Variants in ROR1 observed in about 807,000 individuals in gnomAD.
ROR1 encodes the protein ROR family WNT receptor 1, also known as inactive tyrosine-protein kinase transmembrane receptor ROR1.
ROR1 carries 19 observed loss-of-function variants against 78.8 expected under a neutral mutation model. The observed-to-expected ratio is 0.24, with a 90% CI of 0.17 to 0.35. The LOEUF (loss-of-function observed/expected upper bound fraction) is 0.35. Ranked by LOEUF, ROR1 falls within the 10% of genes least tolerant of loss-of-function variation. The probability of loss-of-function intolerance (pLI) is 1.00; values close to 1 mark genes in which losing one functional copy is unlikely to be tolerated. For missense variants in ROR1, 917 were observed against 1,177.8 expected (o/e 0.78, Z 3.24); for synonymous variants, 386 against 433.6 (o/e 0.89, Z 1.36).
intron 1 of ROR1, among the ~76,000 whole-genome samples, chr1:63,979,863 T>C (rs1426460488): frequency 6.6e-6 from 1 of 152,094 alleles, no homozygotes; most frequent in East Asian, 1.9e-4. Context: ...AATAGAAAGA[T>C]CTAAAACACA....
At chr1:63,986,618 C>T (rs957275640) in intron 1 of ROR1, among the ~76,000 whole-genome samples, 6 of 152,080 alleles carry the variant, frequency 3.9e-5, no homozygotes, top group African/African-American at 1.4e-4. Context: ...CCAGGCTGGG[C>T]GTGGTGGCTC....
chr1:64,129,527 G>A (rs775538430), intron 4 of ROR1, among the ~76,000 whole-genome samples: 3 of 152,120 alleles, frequency 2.0e-5, no homozygotes, highest in Admixed American at 6.5e-5. Flanking sequence ...CGCTGAACTC[G>A]GGGACTCCAA....
chr1:64,127,813 G>A (rs187802509), intron 4 of ROR1, among the ~76,000 whole-genome samples: 1 of 152,284 alleles, frequency 6.6e-6, no homozygotes, highest in East Asian at 1.9e-4. Flanking sequence ...AATTAGCTGA[G>A]ATGCTCGTGA....
At chr1:64,117,939 G>A (rs1648375612) in intron 4 of ROR1, among the ~76,000 whole-genome samples, 1 of 152,266 alleles carries the variant, frequency 6.6e-6, no homozygotes, top group African/African-American at 2.4e-5. Flanking sequence ...CTTGGCCCAT[G>A]CCTGTAATCC....
At chr1:64,112,296 T>C (rs1302613348) in intron 4 of ROR1, 1 of 152,200 alleles carries the variant, frequency 6.6e-6, no homozygotes, top group Non-Finnish European at 1.5e-5. Flanking sequence ...GTAAGTGCTA[T>C]TGTGATGTTT....
At chr1:64,152,932 C>T (rs1649669579) in intron 7 of ROR1, among the ~76,000 whole-genome samples, 2 of 152,176 alleles carry the variant, frequency 1.3e-5, no homozygotes, top group African/African-American at 4.8e-5. Flanking sequence ...TATTATTCAA[C>T]CTTTCATCTT....
chr1:64,091,753 ATG>A (rs1405801936), intron 4 of ROR1, among the ~76,000 whole-genome samples: 1 of 151,510 alleles, frequency 6.6e-6, no homozygotes, highest in African/African-American at 2.4e-5. Flanking sequence ...TTTCTTCTCC[ATG>A]TGTCTCTTCT....
intron 1 of ROR1, among the ~76,000 whole-genome samples, chr1:63,905,034 G>A (rs1254143939): frequency 6.6e-6 from 1 of 152,068 alleles, no homozygotes; most frequent in Non-Finnish European, 1.5e-5. Context: ...GTTGTTAAGA[G>A]CCTTCCCTGG....
At chr1:63,923,049 G>A (rs1311252491) in intron 1 of ROR1, among the ~76,000 whole-genome samples, 1 of 152,218 alleles carries the variant, frequency 6.6e-6, no homozygotes, top group Non-Finnish European at 1.5e-5. Context: ...GGTTGGCCCT[G>A]TCACATCCCA....
rs59753220 is a variant in ROR1 at position 64,007,377 on chromosome 1, A to AGTGTGTGTGTGTGT, written c.92-1909_92-1896dup. On this transcript the variant is annotated intron_variant, in intron 1 of 8. Coordinates refer to ENST00000371079, the MANE Select transcript of ROR1 (RefSeq NM_005012.4). Reference sequence around the variant, plus strand: ...CCTAATATTCTCTAGTAATGTTCTGAGTGTGTGTGTGTGTGTGTGTGTGTG... The same window carrying AGTGTGTGTGTGTGT: ...CCTAATATTCTCTAGTAATGTTCTGAGTGTGTGTGTGTGTGTGTGTGTGTGTGTGTGTGTGTGTG... 2.2e-3 allele frequency among the ~76,000 whole-genome samples: 325 copies of AGTGTGTGTGTGTGT among 146,020 alleles called. 1 individual carries two copies. Among genetic ancestry groups the AGTGTGTGTGTGTGT allele is most frequent in the Non-Finnish European group, 3.5e-3 (234 of 66,540 alleles).
intron 7 of ROR1, among the ~76,000 whole-genome samples, chr1:64,157,336 G>A (rs963343416): frequency 7.2e-5 from 11 of 151,782 alleles, no homozygotes; most frequent in South Asian, 2.1e-4. Flanking sequence ...ATGGGGTTTC[G>A]CCATGTTGCC....
At chr1:64,170,895 A>G (rs1650219559) in intron 8 of ROR1, among the ~76,000 whole-genome samples, 1 of 152,186 alleles carries the variant, frequency 6.6e-6, no homozygotes, top group Non-Finnish European at 1.5e-5. Flanking sequence ...GTTCCCAACA[A>G]GTTCCTCATC....
At position 64,062,132 on chromosome 1, in the gene ROR1, A is replaced by G. The variant is rs147482288; in HGVS notation, c.482+11416A>G. On this transcript the variant is annotated intron_variant, in intron 4 of 8. Transcript: ENST00000371079. ...CTTTTGCTGGTCAGTAGCAGACTCTACTTGCCTCCTGTTGAATAGAACAGA... is the reference window on the plus strand; with the variant it reads ...CTTTTGCTGGTCAGTAGCAGACTCTGCTTGCCTCCTGTTGAATAGAACAGA... 5.2e-4 allele frequency among the ~76,000 whole-genome samples: 79 copies of G among 152,286 alleles called. 1 individual carries two copies. The highest frequency in any genetic ancestry group is 1.7e-3 in the African/African-American group (72 of 41,560).
At chr1:63,914,374 G>T (rs1215477843) in intron 1 of ROR1, among the ~76,000 whole-genome samples, 2 of 152,160 alleles carry the variant, frequency 1.3e-5, no homozygotes, top group Non-Finnish European at 1.5e-5. Context: ...CTGGTTTATT[G>T]TGTGGTTTCA....
chr1:63,917,876 G>A (rs1645621141), intron 1 of ROR1, among the ~76,000 whole-genome samples: 1 of 152,156 alleles, frequency 6.6e-6, no homozygotes, highest in South Asian at 2.1e-4. Flanking sequence ...CAGTGATGTG[G>A]GTGAGCAAAA....
At position 63,888,488 on chromosome 1, in the gene ROR1, G is replaced by T. The variant is rs112739543; in HGVS notation, c.91+113980G>T. Among the ~76,000 whole-genome samples, 987 of 152,068 alleles carry T rather than the reference G, an allele frequency of 6.5e-3. 9 individuals carry two copies. The highest frequency in any genetic ancestry group is 0.023 in the African/African-American group (947 of 41,484). On this transcript the variant is annotated intron_variant, in intron 1 of 8. Coordinates refer to ENST00000371079, the MANE Select transcript of ROR1 (RefSeq NM_005012.4). Reference sequence around the variant, plus strand: ...AAACTTTAAAAATTAGCTGGGCATGGTGCATGTGCCTGTGGTCCCAGCTAC... The same window carrying T: ...AAACTTTAAAAATTAGCTGGGCATGTTGCATGTGCCTGTGGTCCCAGCTAC...
chr1:64,048,967 A>G (rs929555631), intron 2 of ROR1, among the ~76,000 whole-genome samples: 6 of 152,218 alleles, frequency 3.9e-5, no homozygotes, highest in African/African-American at 1.2e-4. Flanking sequence ...CATTTGTTAC[A>G]TGAGTATATG....
chr1:63,839,466 T>C (rs1645037072), intron 1 of ROR1, among the ~76,000 whole-genome samples: 1 of 152,182 alleles, frequency 6.6e-6, no homozygotes, highest in Non-Finnish European at 1.5e-5. Context: ...TTAAAAAGTA[T>C]AAGAAGGCTC....
intron 4 of ROR1, among the ~76,000 whole-genome samples, chr1:64,098,429 G>T (rs1417443284): frequency 6.6e-6 from 1 of 152,128 alleles, no homozygotes; most frequent in African/African-American, 2.4e-5. Context: ...TGGTCTTGGA[G>T]GTTCCGCGGT....
Sources: gnomAD v4.1 joint callset for allele counts (sites outside exome capture counted in the v4.1 genomes callset) on GRCh38, gnomAD v4.1.1 for gene constraint, MANE v1.5 for transcripts, NCBI Gene and HGNC (gene_info 2026-07-23, HGNC 2026-07-21) for gene names.